IL1RAPL1: variants seen among roughly 807,000 people sequenced by gnomAD.
IL1RAPL1 encodes the protein interleukin-1 receptor accessory protein-like 1.
A neutral mutation model predicts 48.4 loss-of-function variants in IL1RAPL1; 3 were observed. The ratio of observed to expected loss-of-function variants is 0.06; its 90% confidence interval spans 0.03 to 0.16. The LOEUF is 0.16. Ranked by LOEUF, IL1RAPL1 falls within the 10% of genes least tolerant of loss-of-function variation. IL1RAPL1 has a pLI of 1.00. For synonymous variants in IL1RAPL1, 185 were observed against 187.7 expected (o/e 0.99, Z 0.12); for missense variants, 349 against 530.6 (o/e 0.66, Z 3.36).
At chrX:28,806,661 G>A (rs897876741) in intron 2 of IL1RAPL1, among the ~76,000 whole-genome samples, 2 of 111,178 alleles carry the variant, frequency 1.8e-5, no homozygotes, top group Admixed American at 9.6e-5. Flanking sequence ...GGCAACTTGC[G>A]CATTCATTCT....
At chrX:28,678,359 G>T (rs1397511046) in intron 1 of IL1RAPL1, among the ~76,000 whole-genome samples, 1 of 111,226 alleles carries the variant, frequency 9.0e-6, no homozygotes, top group East Asian at 2.8e-4. Flanking sequence ...CTCTCTGCCT[G>T]ATTTGTTTAA....
chrX:29,009,754 A>G lies in IL1RAPL1; in HGVS notation c.82+220329A>G, dbSNP rs190953253. Among the ~76,000 whole-genome samples, 74 of 111,917 alleles carry G rather than the reference A, an allele frequency of 6.6e-4. No homozygotes were observed. In the Middle Eastern group the frequency reaches 0.014, roughly 21 times the overall value. Reference sequence around the variant, plus strand: ...GGCTATTCAGGCTCTTTTTGGTTCCATATAAATTCTGGAATAGTTTTTTCT... The same window carrying G: ...GGCTATTCAGGCTCTTTTTGGTTCCGTATAAATTCTGGAATAGTTTTTTCT... On this transcript the variant is annotated intron_variant, in intron 2 of 10. Coordinates refer to ENST00000378993, the MANE Select transcript of IL1RAPL1 (RefSeq NM_014271.4).
chrX:29,547,647 A>G (rs751188899), intron 5 of IL1RAPL1, among the ~76,000 whole-genome samples: 3 of 111,748 alleles, frequency 2.7e-5, no homozygotes, highest in Non-Finnish European at 1.9e-5. Context: ...TAAACTCTAA[A>G]TCTATAATAT....
chrX:28,962,097 A>G (rs190019644), intron 2 of IL1RAPL1, among the ~76,000 whole-genome samples: 1 of 111,994 alleles, frequency 8.9e-6, no homozygotes, highest in East Asian at 2.8e-4. Context: ...ATGGCATAAG[A>G]AGATATATAT....
At chrX:29,116,958 A>C (rs1448808272) in intron 2 of IL1RAPL1, among the ~76,000 whole-genome samples, 1 of 111,648 alleles carries the variant, frequency 9.0e-6, no homozygotes, top group Non-Finnish European at 1.9e-5. Flanking sequence ...ACCTGATATA[A>C]CTATCAAATG....
At chrX:28,773,209 G>A (rs1459147084) in intron 1 of IL1RAPL1, among the ~76,000 whole-genome samples, 1 of 110,734 alleles carries the variant, frequency 9.0e-6, no homozygotes, top group African/African-American at 3.3e-5. Flanking sequence ...TAGTAGTTGG[G>A]ACTACAGATG....
intron 1 of IL1RAPL1, among the ~76,000 whole-genome samples, chrX:28,731,652 A>G (rs1017291630): frequency 1.8e-5 from 2 of 111,378 alleles, no homozygotes; most frequent in Non-Finnish European, 3.8e-5. Flanking sequence ...TCCTAGATCA[A>G]GAGAGTGAGA....
intron 5 of IL1RAPL1, among the ~76,000 whole-genome samples, chrX:29,580,584 C>T (rs1439253242): frequency 1.8e-5 from 2 of 111,631 alleles, no homozygotes; most frequent in Admixed American, 9.5e-5. Flanking sequence ...CTCCGTTATC[C>T]GTGGATCTTC....
intron 6 of IL1RAPL1, among the ~76,000 whole-genome samples, chrX:29,687,678 T>C (rs1926662442): frequency 8.9e-6 from 1 of 112,101 alleles, no homozygotes; most frequent in African/African-American, 3.2e-5. Context: ...AAAGAAATGA[T>C]ATTTAAAGTG....
intron 2 of IL1RAPL1, among the ~76,000 whole-genome samples, chrX:29,242,850 A>G (rs1345682055): frequency 1.8e-5 from 2 of 112,297 alleles, no homozygotes; most frequent in African/African-American, 6.5e-5. Context: ...CAACTTACCC[A>G]TACTTACAAA....
intron 6 of IL1RAPL1, among the ~76,000 whole-genome samples, chrX:29,732,840 A>G (rs537313763): frequency 1.2e-4 from 13 of 112,051 alleles, no homozygotes; most frequent in African/African-American, 4.2e-4. Flanking sequence ...CCCTTTTGCA[A>G]TGGTTGCCAG....
intron 6 of IL1RAPL1, among the ~76,000 whole-genome samples, chrX:29,828,456 G>T (rs1365464332): frequency 1.8e-5 from 2 of 111,568 alleles, no homozygotes; most frequent in East Asian, 5.6e-4. Context: ...GTACGATATT[G>T]ATAGTTTATG....
intron 5 of IL1RAPL1, among the ~76,000 whole-genome samples, chrX:29,603,214 C>G (rs1365248933): frequency 6.8e-5 from 7 of 102,898 alleles, no homozygotes; most frequent in South Asian, 8.9e-4. Flanking sequence ...TGCAGTGATC[C>G]AAGACTGCGC....
At chrX:29,599,047 G>T (rs1462424128) in intron 5 of IL1RAPL1, among the ~76,000 whole-genome samples, 1 of 111,937 alleles carries the variant, frequency 8.9e-6, no homozygotes, top group Non-Finnish European at 1.9e-5. Context: ...TAGTATTGAG[G>T]TGTGAAGTAC....
intron 6 of IL1RAPL1, among the ~76,000 whole-genome samples, chrX:29,743,658 TATTTTTAGTAC>T (rs1265952098): frequency 9.0e-6 from 1 of 111,077 alleles, no homozygotes; most frequent in East Asian, 2.8e-4. Context: ...CTAACTTTTG[TATTTTTAGTAC>T]AGACGGGGTT....
At chrX:29,689,253 T>A (rs1419503244) in intron 6 of IL1RAPL1, among the ~76,000 whole-genome samples, 5 of 111,713 alleles carry the variant, frequency 4.5e-5, no homozygotes, top group Middle Eastern at 4.2e-3. Context: ...CAGGCATACC[T>A]TTTTTAAACT....
At chrX:28,853,406 T>C (rs375658803) in intron 2 of IL1RAPL1, among the ~76,000 whole-genome samples, 1 of 107,333 alleles carries the variant, frequency 9.3e-6, no homozygotes, top group East Asian at 3.0e-4. Flanking sequence ...AGGGCCAAGG[T>C]TAATAAGCAA....
intron 2 of IL1RAPL1, among the ~76,000 whole-genome samples, chrX:28,931,653 T>A (rs1923882517): frequency 8.9e-6 from 1 of 112,108 alleles, no homozygotes; most frequent in African/African-American, 3.2e-5. Flanking sequence ...TACAATGTAG[T>A]TGAATTGTTA....
At chrX:29,759,079 A>G (rs886829525) in intron 6 of IL1RAPL1, among the ~76,000 whole-genome samples, 2 of 112,410 alleles carry the variant, frequency 1.8e-5, no homozygotes, top group African/African-American at 6.5e-5. Flanking sequence ...TGTCATGAAG[A>G]GTTAATTAAT....
Sources: gnomAD v4.1 joint callset for allele counts (sites outside exome capture counted in the v4.1 genomes callset) on GRCh38, gnomAD v4.1.1 for gene constraint, MANE v1.5 for transcripts, NCBI Gene and HGNC (gene_info 2026-07-23, HGNC 2026-07-21) for gene names.